Variants in TUSC3 observed in about 807,000 individuals in gnomAD.
TUSC3 encodes the protein tumor suppressor candidate 3.
Under a neutral mutation model 44.8 loss-of-function variants are expected in TUSC3, and 45 were observed. The ratio of observed to expected loss-of-function variants is 1.00; its 90% confidence interval spans 0.79 to 1.29. The LOEUF is 1.29. Ranked by LOEUF, TUSC3 falls within the 50% of genes most tolerant of loss-of-function variation. The pLI, the probability that TUSC3 is intolerant of heterozygous loss-of-function variation, is 0.00. For synonymous variants in TUSC3, 212 were observed against 152.9 expected, an observed-to-expected ratio of 1.39 and a Z score of -2.85; for missense variants, 519 against 437.9, an observed-to-expected ratio of 1.19 and a Z score of -1.65.
chr8:15,734,502 T>C (rs1810853040), intron 7 of TUSC3, among the ~76,000 whole-genome samples: 1 of 152,200 alleles, frequency 6.6e-6, no homozygotes, highest in Non-Finnish European at 1.5e-5. Context: ...AAAAATAACT[T>C]ACATAGGGCT....
At chr8:15,753,843 A>T (rs1054378055) in intron 9 of TUSC3, among the ~76,000 whole-genome samples, 4 of 152,228 alleles carry the variant, frequency 2.6e-5, no homozygotes, top group Middle Eastern at 3.4e-3. Context: ...ATATCTATTC[A>T]ATTAGTTAAC....
At position 15,747,485 on chromosome 8, in the gene TUSC3, T is replaced by C. The variant is rs551500855; in HGVS notation, c.938-890T>C. On this transcript the variant is annotated intron_variant, in intron 8 of 10. Coordinates refer to ENST00000503731, the MANE Select transcript of TUSC3 (RefSeq NM_006765.4). Reference sequence around the variant, plus strand: ...TCTTTGTCTTTTATTCTAAACGTACTTTAATTGGCTCAGATTAAGTATTTA... The same window carrying C: ...TCTTTGTCTTTTATTCTAAACGTACCTTAATTGGCTCAGATTAAGTATTTA... 1.3e-4 allele frequency among the ~76,000 whole-genome samples: 20 copies of C among 152,156 alleles called. No individual in the cohort carries two copies. The South Asian group carries it at 3.3e-3, about 25-fold the overall frequency.
At chr8:15,638,507 CTTTTTTTCTTTTTT>C (rs1370381227) in intron 2 of TUSC3, among the ~76,000 whole-genome samples, 6 of 112,676 alleles carry the variant, frequency 5.3e-5, no homozygotes, top group South Asian at 2.9e-4. Flanking sequence ...CTTTTTTTTT[CTTTTTTTCTTTTTT>C]TTTTTTTTTT....
chr8:15,576,227 A>G (rs1222905048), intron 1 of TUSC3, among the ~76,000 whole-genome samples: 1 of 143,798 alleles, frequency 7.0e-6, no homozygotes. Flanking sequence ...TTTGGTAGGT[A>G]ATTAAGAATC....
chr8:15,719,317 A>C (rs1230107802), intron 6 of TUSC3, among the ~76,000 whole-genome samples: 2 of 151,890 alleles, frequency 1.3e-5, no homozygotes, highest in African/African-American at 4.8e-5. Flanking sequence ...CCATGTGACT[A>C]ACTGCCTTGC....
At chr8:15,528,874 G>C (rs1801412072) in intron 2 of TUSC3, among the ~76,000 whole-genome samples, 2 of 152,138 alleles carry the variant, frequency 1.3e-5, no homozygotes, top group African/African-American at 2.4e-5. Flanking sequence ...CCAAAAAGCA[G>C]TCAGACTTTG....
intron 1 of TUSC3, among the ~76,000 whole-genome samples, chr8:15,556,140 G>T (rs1222777761): frequency 6.9e-6 from 1 of 145,454 alleles, no homozygotes; most frequent in Non-Finnish European, 1.5e-5. Context: ...AAATCTCCCA[G>T]TGCTATCCCT....
intron 2 of TUSC3, among the ~76,000 whole-genome samples, chr8:15,638,891 C>T (rs1806220033): frequency 6.6e-6 from 1 of 152,170 alleles, no homozygotes; most frequent in Non-Finnish European, 1.5e-5. Context: ...ACGTGATGTT[C>T]AGGGCTTCAG....
chr8:15,595,329 T>C (rs781227340), intron 1 of TUSC3, among the ~76,000 whole-genome samples: 15 of 152,126 alleles, frequency 9.9e-5, no homozygotes, highest in Non-Finnish European at 2.1e-4. Context: ...CTTTCCTCTT[T>C]AGTACTCTGC....
chr8:15,825,251 G>C, the TUSC3 span, among the ~76,000 whole-genome samples: 1 of 152,038 alleles, frequency 6.6e-6, no homozygotes, highest in Non-Finnish European at 1.5e-5. Context: ...ACATACCTGA[G>C]GCTGGGTAAT....
At chr8:15,850,553 TC>T in the TUSC3 span, among the ~76,000 whole-genome samples, 1 of 152,174 alleles carries the variant, frequency 6.6e-6, no homozygotes, top group African/African-American at 2.4e-5. Context: ...GTGCAAATGT[TC>T]TCTCTTCTCA....
chr8:15,770,245 G>T (rs1812417059), downstream of TUSC3, among the ~76,000 whole-genome samples: 1 of 152,170 alleles, frequency 6.6e-6, no homozygotes, highest in Non-Finnish European at 1.5e-5. Flanking sequence ...AAAAGGGTGA[G>T]TTCATATCCT....
chr8:15,821,400 G>T, the TUSC3 span, among the ~76,000 whole-genome samples: 1 of 126,874 alleles, frequency 7.9e-6, no homozygotes, highest in Non-Finnish European at 1.6e-5. Context: ...TCCTGTTTGT[G>T]GTTTGCTGAT....
intron 6 of TUSC3, among the ~76,000 whole-genome samples, chr8:15,705,848 A>G (rs1264781983): frequency 2.0e-5 from 3 of 151,996 alleles, no homozygotes; most frequent in Non-Finnish European, 4.4e-5. Context: ...ATGCTTTACA[A>G]CTTACATATT....
rs79271484 is a variant in TUSC3, at chr8:15,426,491, A to C, written n.91+9186A>C. On this transcript the variant is annotated intron_variant and non_coding_transcript_variant, in intron 1 of 5. Coordinates refer to the TUSC3 transcript ENST00000503191. ...AGATACCTCATGTAAGTGGAAGTCT[A>C]CTATATTTGTCCTTCTGTGACTGGC... is the stretch of plus-strand genomic sequence containing the variant. Among the ~76,000 whole-genome samples, 1,397 of 152,310 alleles carry C rather than the reference A, an allele frequency of 9.2e-3. 23 individuals are homozygous for C. The highest frequency in any genetic ancestry group is 0.032 in the African/African-American group (1,329 of 41,562).
the TUSC3 span, among the ~76,000 whole-genome samples, chr8:15,833,310 A>G: frequency 6.6e-6 from 1 of 152,194 alleles, no homozygotes; most frequent in Non-Finnish European, 1.5e-5. Flanking sequence ...GCAATTCCTC[A>G]AAGACCTAAA....
At chr8:15,600,509 T>G (rs1804240848) in intron 1 of TUSC3, among the ~76,000 whole-genome samples, 1 of 151,674 alleles carries the variant, frequency 6.6e-6, no homozygotes. Context: ...TTATCATTAT[T>G]GTGACCGTTA....
At chr8:15,569,559 A>T (rs564796624) in intron 1 of TUSC3, among the ~76,000 whole-genome samples, 1 of 152,154 alleles carries the variant, frequency 6.6e-6, no homozygotes, top group Admixed American at 6.5e-5. Flanking sequence ...AAGGAGCGTG[A>T]GTAAATAATT....
At chr8:15,575,794 T>A (rs1585117010) in intron 1 of TUSC3, among the ~76,000 whole-genome samples, 1 of 152,208 alleles carries the variant, frequency 6.6e-6, no homozygotes, top group African/African-American at 2.4e-5. Context: ...TCTTCTGAGA[T>A]GTACTTTTGC....
Sources: gnomAD v4.1 joint callset for allele counts (sites outside exome capture counted in the v4.1 genomes callset) on GRCh38, gnomAD v4.1.1 for gene constraint, MANE v1.5 for transcripts, NCBI Gene and HGNC (gene_info 2026-07-23, HGNC 2026-07-21) for gene names.